MAP7: variants seen among roughly 807,000 people sequenced by gnomAD.
MAP7 encodes ensconsin.
In MAP7, 52 loss-of-function variants were observed where a neutral mutation model predicts 94.8. The observed-to-expected ratio is 0.55, with a 90% confidence interval of 0.44 to 0.69. The LOEUF is 0.69. MAP7 is among the 30% of genes least tolerant of loss of function. The pLI is 0.00. For missense variants in MAP7, 940 were observed against 964.6 expected (o/e 0.97, Z 0.34); for synonymous variants, 350 against 357.0 (o/e 0.98, Z 0.22).
chr6:136,479,133 A>G (rs532319754), intron 1 of MAP7, among the ~76,000 whole-genome samples: 1 of 152,270 alleles, frequency 6.6e-6, no homozygotes, highest in South Asian at 2.1e-4. Context: ...AATACTAGCA[A>G]ACCAAATTCA....
At position 136,346,056 on chromosome 6, in the gene MAP7, G is replaced by A. The variant is rs1311966515; in HGVS notation, c.2039C>T (p.Pro680Leu). Reference sequence around the variant, plus strand: ...CTGAACAGATACACCATTTTCATTTGGTTGTTTTTCCAAATCGGGAGTGCT... The same window carrying A: ...CTGAACAGATACACCATTTTCATTTAGTTGTTTTTCCAAATCGGGAGTGCT... Reference protein sequence around the residue: ...VESTPDLEKQPNENGVSVQNE... With the variant: ...VESTPDLEKQLNENGVSVQNE... Residue 680 changes from proline (P) to leucine (L), a missense_variant, in exon 17 of 18, where the codon CCA becomes CTA. Pro to Leu is a moderately conservative substitution (Grantham distance 98). Transcript: ENST00000354570. 3.7e-6 allele frequency: 6 copies of A among 1,611,582 alleles called. No homozygotes were observed. The highest frequency in any genetic ancestry group is 5.1e-6 in the Non-Finnish European group (6 of 1,178,616).
intron 3 of MAP7, among the ~76,000 whole-genome samples, chr6:136,394,767 T>C (rs1465420712): frequency 6.6e-6 from 1 of 151,056 alleles, no homozygotes; most frequent in Non-Finnish European, 1.5e-5. Context: ...CTCGACTCAC[T>C]ACCTCCATGA....
At chr6:136,391,443 C>G (rs1268137152) in intron 3 of MAP7, among the ~76,000 whole-genome samples, 5 of 147,348 alleles carry the variant, frequency 3.4e-5, no homozygotes, top group African/African-American at 7.5e-5. Context: ...GGAGATATAC[C>G]TAATGCTAGA....
chr6:136,487,933 A>G (rs1211484630), intron 1 of MAP7, among the ~76,000 whole-genome samples: 1 of 152,204 alleles, frequency 6.6e-6, no homozygotes. Context: ...CTCTGTTAAG[A>G]GTCATACTTA....
intron 10 of MAP7, 143 bp downstream of exon 10, chr6:136,365,592 T>G (rs1794073686): frequency 3.6e-6 from 3 of 831,002 alleles, no homozygotes; most frequent in Non-Finnish European, 5.5e-6. Flanking sequence ...AATATTATAC[T>G]TAAGGAAAGG....
At chr6:136,532,665 G>A (rs1242005303) in intron 1 of MAP7, among the ~76,000 whole-genome samples, 3 of 151,324 alleles carry the variant, frequency 2.0e-5, no homozygotes, top group Non-Finnish European at 4.4e-5. Context: ...CTGATCCTGA[G>A]ATTCCATGAC....
chr6:136,497,579 TC>T, intron 1 of MAP7, among the ~76,000 whole-genome samples: 1 of 150,398 alleles, frequency 6.6e-6, no homozygotes, highest in African/African-American at 2.5e-5. Context: ...GGTGGGCAGA[TC>T]ACGAGGTCAG....
At chr6:136,414,660 T>A (rs80332869) in intron 2 of MAP7, among the ~76,000 whole-genome samples, 5 of 151,972 alleles carry the variant, frequency 3.3e-5, no homozygotes, top group East Asian at 3.8e-4. Flanking sequence ...TTTTTTTTTT[T>A]AAACAGGATC....
chr6:136,394,184 C>G (rs565094140), intron 3 of MAP7, among the ~76,000 whole-genome samples: 1 of 151,846 alleles, frequency 6.6e-6, no homozygotes, highest in African/African-American at 2.4e-5. Flanking sequence ...GGGGTTTCAC[C>G]GTGTTAGCCA....
chr6:136,415,106 C>T (rs754412044), intron 2 of MAP7, among the ~76,000 whole-genome samples: 9 of 151,926 alleles, frequency 5.9e-5, no homozygotes, highest in Admixed American at 1.3e-4. Flanking sequence ...TGCCCGATCT[C>T]GGCTAATTAA....
chr6:136,411,768 C>G, intron 2 of MAP7, 71 bp from the exon 3 acceptor site: 2 of 1,216,764 alleles, frequency 1.6e-6, no homozygotes, highest in Non-Finnish European at 2.3e-6. Flanking sequence ...AAAAAACACA[C>G]ATTGATAAAT....
At chr6:136,379,828 C>T (rs1777237241) in intron 6 of MAP7, among the ~76,000 whole-genome samples, 2 of 152,176 alleles carry the variant, frequency 1.3e-5, no homozygotes, top group Admixed American at 6.5e-5. Flanking sequence ...TAAAGCAAAT[C>T]CAGAGAGATC....
intron 4 of MAP7, among the ~76,000 whole-genome samples, chr6:136,388,743 G>A (rs542859977): frequency 6.6e-5 from 10 of 152,242 alleles, no homozygotes; most frequent in Non-Finnish European, 1.0e-4. Context: ...TCAAATAAAC[G>A]ACCCTTACTA....
intron 16 of MAP7, among the ~76,000 whole-genome samples, chr6:136,349,980 G>A (rs1788704733): frequency 6.6e-6 from 1 of 152,130 alleles, no homozygotes; most frequent in African/African-American, 2.4e-5. Flanking sequence ...TCTCAAGGTG[G>A]GGAGGAGCAA....
chr6:136,532,583 G>A (rs1312830005), intron 1 of MAP7, among the ~76,000 whole-genome samples: 1 of 151,744 alleles, frequency 6.6e-6, no homozygotes, highest in Non-Finnish European at 1.5e-5. Context: ...ACACTGATTT[G>A]GAATGATGAT....
chr6:136,527,616 T>C (rs1487745046), intron 1 of MAP7, among the ~76,000 whole-genome samples: 1 of 152,218 alleles, frequency 6.6e-6, no homozygotes, highest in Non-Finnish European at 1.5e-5. Context: ...AGGGTGAGGA[T>C]TAAATGCGTG....
chr6:136,463,492 T>C (rs970649319), intron 1 of MAP7, among the ~76,000 whole-genome samples: 1 of 152,206 alleles, frequency 6.6e-6, no homozygotes, highest in Non-Finnish European at 1.5e-5. Context: ...AATTTTTTTT[T>C]CCAAAATGTT....
intron 9 of MAP7, 108 bp from the exon 10 acceptor site, chr6:136,366,126 A>T (rs1388958494): frequency 2.7e-5 from 33 of 1,239,560 alleles, no homozygotes; most frequent in Non-Finnish European, 3.0e-5. Flanking sequence ...AGCTCCGTGT[A>T]TTTGTTTTTT....
chr6:136,357,579 C>T (rs540059029), intron 15 of MAP7, among the ~76,000 whole-genome samples: 273 of 152,204 alleles, frequency 1.8e-3, no homozygotes, highest in Admixed American at 3.5e-3. Flanking sequence ...ACTACAGCCT[C>T]GACCTCCTGG....
Sources: allele counts gnomAD v4.1 joint callset (sites outside exome capture counted in the v4.1 genomes callset), GRCh38; gene constraint gnomAD v4.1.1; transcripts MANE v1.5; gene names NCBI Gene and HGNC (gene_info 2026-07-23, HGNC 2026-07-21).